Variants in PCDH15 observed in about 807,000 individuals in gnomAD.
PCDH15 encodes protocadherin-15.
PCDH15 carries 129 observed loss-of-function variants against 178.5 expected under a neutral mutation model. The ratio of observed to expected loss-of-function variants is 0.72; its 90% CI spans 0.63 to 0.84. PCDH15 has a LOEUF of 0.84. PCDH15 is among the 40% of genes least tolerant of loss of function. The pLI is 0.00. For missense variants in PCDH15, 2,230 were observed against 2,099.9 expected (o/e 1.06, Z -1.21); for synonymous variants, 800 against 732.0 (o/e 1.09, Z -1.50).
At chr10:54,826,497 T>C (rs974583117) in intron 3 of PCDH15, among the ~76,000 whole-genome samples, 8 of 151,872 alleles carry the variant, frequency 5.3e-5, no homozygotes, top group Non-Finnish European at 8.8e-5. Context: ...TAAAGCAATA[T>C]GTCATATTGT....
chr10:55,270,511 C>CT (rs1351737399), intron 1 of PCDH15, among the ~76,000 whole-genome samples: 1 of 151,564 alleles, frequency 6.6e-6, no homozygotes, highest in African/African-American at 2.4e-5. Context: ...CAAAAGAAGA[C>CT]TTACAAGCAG....
At chr10:54,514,806 T>A (rs2082048063) in intron 3 of PCDH15, among the ~76,000 whole-genome samples, 2 of 152,212 alleles carry the variant, frequency 1.3e-5, no homozygotes, top group Admixed American at 6.5e-5. Context: ...ACTTTCATAC[T>A]TGCTATGCAA....
chr10:53,907,076 C>T (rs956635288), intron 25 of PCDH15: 1 of 152,072 alleles, frequency 6.6e-6, no homozygotes, highest in Non-Finnish European at 1.5e-5. Context: ...GAACAGCGTT[C>T]TTTTTGACTT....
intron 23 of PCDH15, among the ~76,000 whole-genome samples, chr10:53,946,347 C>A (rs1404814783): frequency 6.6e-6 from 1 of 152,106 alleles, no homozygotes; most frequent in Non-Finnish European, 1.5e-5. Context: ...TAGTGAACTT[C>A]CTTCACACTG....
At chr10:54,352,915 A>C (rs1944397092) in intron 5 of PCDH15, among the ~76,000 whole-genome samples, 1 of 152,158 alleles carries the variant, frequency 6.6e-6, no homozygotes, top group East Asian at 1.9e-4. Context: ...AATGTTATAG[A>C]TTCATTCTTG....
At chr10:55,513,805 CACT>C (rs1840945689) in intron 2 of PCDH15, among the ~76,000 whole-genome samples, 2 of 152,172 alleles carry the variant, frequency 1.3e-5, no homozygotes, top group South Asian at 4.1e-4. Flanking sequence ...TAGCACCAAA[CACT>C]ACTATTTTTG....
At chr10:54,893,365 A>G (rs1215950085) in intron 3 of PCDH15, among the ~76,000 whole-genome samples, 1 of 152,152 alleles carries the variant, frequency 6.6e-6, no homozygotes, top group East Asian at 1.9e-4. Context: ...TATACTATTT[A>G]TTAAGCATTT....
intron 3 of PCDH15, among the ~76,000 whole-genome samples, chr10:54,895,688 C>T (rs764115326): frequency 6.6e-6 from 1 of 152,042 alleles, no homozygotes; most frequent in East Asian, 1.9e-4. Flanking sequence ...ATTTTTATTG[C>T]AATTTGTCTT....
chr10:55,077,309 A>C (rs1176575367), intron 2 of PCDH15, among the ~76,000 whole-genome samples: 2 of 151,870 alleles, frequency 1.3e-5, no homozygotes, highest in African/African-American at 4.8e-5. Context: ...TTCCTTTCAC[A>C]GTGTATTTGT....
chr10:55,032,497 C>A (rs1234597921), intron 2 of PCDH15, among the ~76,000 whole-genome samples: 6 of 152,032 alleles, frequency 3.9e-5, no homozygotes, highest in Non-Finnish European at 7.4e-5. Context: ...TTATTTATAC[C>A]CTGCTTCTCA....
intron 3 of PCDH15, among the ~76,000 whole-genome samples, chr10:54,503,789 T>A (rs1177323263): frequency 6.6e-6 from 1 of 152,142 alleles, no homozygotes; most frequent in Non-Finnish European, 1.5e-5. Context: ...GTGTTTAGAT[T>A]GTTCTTTCAA....
intron 11 of PCDH15, among the ~76,000 whole-genome samples, chr10:54,195,329 T>C (rs913384006): frequency 6.6e-6 from 1 of 152,200 alleles, no homozygotes; most frequent in African/African-American, 2.4e-5. Context: ...GGTGCTTTCA[T>C]GATTTTTTAC....
intron 2 of PCDH15, among the ~76,000 whole-genome samples, chr10:55,489,069 A>G (rs990086245): frequency 6.6e-6 from 1 of 151,522 alleles, no homozygotes; most frequent in Non-Finnish European, 1.5e-5. Context: ...TTTTCCATAT[A>G]CTCAACTCAA....
At chr10:55,043,384 T>C (rs2131979479) in intron 2 of PCDH15, among the ~76,000 whole-genome samples, 1 of 151,840 alleles carries the variant, frequency 6.6e-6, no homozygotes, top group South Asian at 2.1e-4. Flanking sequence ...CTCTTAAGAG[T>C]ATCCTCTGTC....
intron 3 of PCDH15, among the ~76,000 whole-genome samples, chr10:54,844,545 C>G (rs1051429053): frequency 2.0e-5 from 3 of 151,942 alleles, no homozygotes; most frequent in Non-Finnish European, 2.9e-5. Context: ...CTTTCCCTCA[C>G]TCCTGCTTTG....
chr10:54,115,678 G>A (rs1426520416), intron 15 of PCDH15, among the ~76,000 whole-genome samples: 1 of 152,218 alleles, frequency 6.6e-6, no homozygotes, highest in Non-Finnish European at 1.5e-5. Flanking sequence ...CTGCACTGAA[G>A]TTTAACTTCT....
intron 2 of PCDH15, among the ~76,000 whole-genome samples, chr10:55,090,216 A>G (rs916397994): frequency 3.3e-5 from 5 of 152,062 alleles, no homozygotes; most frequent in Non-Finnish European, 7.4e-5. Flanking sequence ...TATCAAAGAA[A>G]AGCATTAAAC....
intron 3 of PCDH15, among the ~76,000 whole-genome samples, chr10:54,481,694 T>C (rs2078726029): frequency 6.6e-6 from 1 of 151,894 alleles, no homozygotes; most frequent in Non-Finnish European, 1.5e-5. Context: ...GGACTGCACA[T>C]CATTTTATCT....
At chr10:54,360,102 C>T (rs2795941) in intron 5 of PCDH15, among the ~76,000 whole-genome samples, 17,415 of 151,970 alleles carry the variant, frequency 0.11, 1,765 homozygotes, top group African/African-American at 0.28. Flanking sequence ...TACATTTGCC[C>T]TGTCTGAGTT....
Sources: gnomAD v4.1 joint callset for allele counts (sites outside exome capture counted in the v4.1 genomes callset) on GRCh38, gnomAD v4.1.1 for gene constraint, MANE v1.5 for transcripts, NCBI Gene and HGNC (gene_info 2026-07-23, HGNC 2026-07-21) for gene names.